The following FRYL variants were observed in gnomAD, a reference collection of about 807,000 sequenced individuals.
The protein encoded by FRYL is protein furry homolog-like.
A neutral mutation model predicts 351.2 loss-of-function variants in FRYL; 150 were observed. The ratio of observed to expected loss-of-function variants is 0.43; its 90% CI spans 0.37 to 0.49. The LOEUF (loss-of-function observed/expected upper bound fraction) is 0.49, where lower values mean the gene tolerates loss of function less well. FRYL is among the 20% of genes least tolerant of loss of function. The pLI is 0.00. For missense variants in FRYL, 3,036 were observed against 3,619.3 expected, an observed-to-expected ratio of 0.84 and a Z score of 4.13; for synonymous variants, 1,153 against 1,257.1, an observed-to-expected ratio of 0.92 and a Z score of 1.75.
intron 59 of FRYL, among the ~76,000 whole-genome samples, chr4:48,507,615 T>A (rs1166031624): frequency 6.6e-6 from 1 of 152,100 alleles, no homozygotes; most frequent in Non-Finnish European, 1.5e-5. Context: ...GTATTCATAT[T>A]CACGTCCCTG....
In FRYL at chr4:48,603,401, T is replaced by A; in HGVS notation, c.835-13A>T. The A allele has an allele frequency of 6.8e-7, 1 of 1,471,658 alleles. No homozygotes were observed. The highest frequency in any genetic ancestry group is 1.2e-5 in the South Asian group (1 of 85,760). The allele number at this position is 1,471,658 out of a possible 1,614,324, so 91.2% of individuals were successfully genotyped here. A position where few individuals can be genotyped will look rare whatever the true frequency, so the allele number is the denominator to read the frequency against. ...CATTTTTAACAGCCTAGTAAAAAGA[T>A]AATGCAAACAAAGAAAATGATACAG... is the stretch of plus-strand genomic sequence containing the variant. On this transcript the variant is annotated splice_polypyrimidine_tract_variant and intron_variant, in intron 11 of 63. Transcript: ENST00000358350.
At chr4:48,522,862 T>C in intron 54 of FRYL, 39 bp downstream of exon 54, 2 of 1,468,240 alleles carry the variant, frequency 1.4e-6, no homozygotes, top group Non-Finnish European at 1.9e-6. Flanking sequence ...AAGAGGAAAA[T>C]GAGACCAAAT....
chr4:48,558,616 C>T (rs769359518), intron 33 of FRYL, among the ~76,000 whole-genome samples: 14 of 152,106 alleles, frequency 9.2e-5, no homozygotes, highest in Non-Finnish European at 1.9e-4. Context: ...TGAACAAAAA[C>T]GTAATCAAAA....
chr4:48,661,737 A>C (rs1760770126), intron 3 of FRYL, among the ~76,000 whole-genome samples: 1 of 152,248 alleles, frequency 6.6e-6, no homozygotes, highest in Non-Finnish European at 1.5e-5. Context: ...AAGGAGTAGG[A>C]AAATGTGTCC....
intron 2 of FRYL, among the ~76,000 whole-genome samples, chr4:48,685,325 T>C (rs1233015901): frequency 1.3e-5 from 2 of 152,204 alleles, no homozygotes; most frequent in East Asian, 1.9e-4. Context: ...CAATTTTCTC[T>C]AAATTTAAAC....
chr4:48,718,730 T>C (rs1769147021), intron 1 of FRYL, among the ~76,000 whole-genome samples: 1 of 151,564 alleles, frequency 6.6e-6, no homozygotes, highest in Non-Finnish European at 1.5e-5. Flanking sequence ...TCCCTCCTTC[T>C]TGTGCTCATA....
intron 27 of FRYL, among the ~76,000 whole-genome samples, chr4:48,569,840 G>C (rs1737855489): frequency 1.3e-5 from 2 of 152,060 alleles, no homozygotes; most frequent in Admixed American, 6.6e-5. Flanking sequence ...TCAAGACAAA[G>C]TCTCGCTCTT....
intron 1 of FRYL, among the ~76,000 whole-genome samples, chr4:48,764,335 C>T (rs1384997301): frequency 6.8e-6 from 1 of 146,632 alleles, no homozygotes; most frequent in Non-Finnish European, 1.5e-5. Context: ...TCAAGACCAG[C>T]CCGGTGCAAC....
rs868822146 is a variant in FRYL at position 48,593,992 on chromosome 4, C to A, written c.1273G>T (p.Glu425Ter). 6.7e-7 allele frequency: 1 copy of A among 1,482,358 alleles called. No homozygotes were observed. The highest frequency in any genetic ancestry group is 2.6e-5 in the Admixed American group (1 of 39,128). The allele number at this position is 1,482,358 out of a possible 1,614,324, so 91.8% of individuals were successfully genotyped here. A position where few individuals can be genotyped will look rare whatever the true frequency, so the allele number is the denominator to read the frequency against. ...ACACTGAGAAGATCAAATATTATTT[C>A]TTTCATTGCAAAATCCAAGCGTTCC... is the stretch of plus-strand genomic sequence containing the variant. Reference protein sequence around the residue: ...AQERLDFAMKEIIFDLLSVGK... With the variant: ...AQERLDFAMK Residue 425 changes from glutamate to a stop codon, truncating the protein, a stop_gained, in exon 16 of 64, where the codon GAA becomes TAA. Transcript: ENST00000358350. LOFTEE classifies it high-confidence loss of function.
intron 34 of FRYL, 110 bp from the exon 35 acceptor site, chr4:48,557,228 G>A (rs996124408): frequency 2.5e-4 from 326 of 1,311,014 alleles, no homozygotes; most frequent in Non-Finnish European, 3.2e-4. Flanking sequence ...AGCTTTAATC[G>A]TTTCCACACT....
chr4:48,727,514 G>C (rs1770213000), intron 1 of FRYL: 1 of 152,146 alleles, frequency 6.6e-6, no homozygotes, highest in Non-Finnish European at 1.5e-5. Context: ...AATTGTTGGA[G>C]GATCAGTGTA....
At chr4:48,668,075 G>A (rs560281368) in intron 3 of FRYL, among the ~76,000 whole-genome samples, 1 of 152,258 alleles carries the variant, frequency 6.6e-6, no homozygotes, top group Admixed American at 6.5e-5. Context: ...TGGCCCAACA[G>A]CTGTTTTTTT....
At chr4:48,634,877 G>A (rs1347539271) in intron 3 of FRYL, among the ~76,000 whole-genome samples, 5 of 152,092 alleles carry the variant, frequency 3.3e-5, no homozygotes, top group Non-Finnish European at 7.4e-5. Flanking sequence ...AAATAAAACA[G>A]GTGTGAATAA....
chr4:48,519,316 T>A (rs1724367366), intron 55 of FRYL, among the ~76,000 whole-genome samples: 1 of 152,134 alleles, frequency 6.6e-6, no homozygotes, highest in Non-Finnish European at 1.5e-5. Context: ...AGACACATCA[T>A]GCTATTTCAC....
At position 48,589,799 on chromosome 4, in the gene FRYL, G is replaced by T. The variant is rs749552812; in HGVS notation, c.1586C>A (p.Pro529Gln). ...LRHLDKEVGR[P>Q]MCMTSVQMSN... ...CATCTGCACACTGGTCATACACATTGGTCTCCCAACTTCTTTGTCCAAATG... is the reference window on the plus strand; with the variant it reads ...CATCTGCACACTGGTCATACACATTTGTCTCCCAACTTCTTTGTCCAAATG... The change falls in exon 18 of 64, where the codon CCA becomes CAA. Residue 529 changes from proline (P) to glutamine (Q), a missense_variant. Around this residue, in one of 7 missense-constraint regions of FRYL, gnomAD observed 78 missense variants for 106.6 expected, o/e 0.73. Coordinates refer to ENST00000358350, the MANE Select transcript of FRYL (RefSeq NM_015030.2). 2 of 1,613,608 alleles carry T rather than the reference G, an allele frequency of 1.2e-6. No individual in the cohort carries two copies. The highest frequency in any genetic ancestry group is 1.7e-6 in the Non-Finnish European group (2 of 1,179,648).
At position 48,689,527 on chromosome 4, in the gene FRYL, C is replaced by T. The variant is rs1221961297; in HGVS notation, c.-203-4732G>A. 3.9e-5 allele frequency among the ~76,000 whole-genome samples: 6 copies of T among 152,282 alleles called. No individual in the cohort carries two copies. The South Asian group carries it at 1.2e-3, about 32-fold the overall frequency. On this transcript the variant is annotated intron_variant, in intron 2 of 63. Transcript: ENST00000358350. ...ATCAATCTGGGATTTACTACATACA[C>T]TCCTAACTTCTAAAAATCTATTACT... is the stretch of plus-strand genomic sequence containing the variant.
intron 1 of FRYL, among the ~76,000 whole-genome samples, chr4:48,731,839 A>C (rs1770763019): frequency 6.6e-6 from 1 of 152,208 alleles, no homozygotes; most frequent in Non-Finnish European, 1.5e-5. Context: ...TCCTAGAAGA[A>C]AACCTGGGCA....
At chr4:48,503,026 G>C (rs887367602) in intron 60 of FRYL, among the ~76,000 whole-genome samples, 181 bp from the exon 61 acceptor site, 6 of 152,088 alleles carry the variant, frequency 3.9e-5, no homozygotes, top group African/African-American at 1.2e-4. Flanking sequence ...GACATTTACT[G>C]CAACGATTCA....
At chr4:48,571,712 G>C (rs1281135099) in intron 26 of FRYL, 2 of 977,956 alleles carry the variant, frequency 2.0e-6, no homozygotes, top group African/African-American at 1.8e-5. Flanking sequence ...TCTTTCTAAA[G>C]TTGACAGCAA....
Sources: allele counts gnomAD v4.1 joint callset (sites outside exome capture counted in the v4.1 genomes callset), GRCh38; gene constraint gnomAD v4.1.1; regional missense constraint gnomAD v4.1.1; transcripts MANE v1.5; gene names NCBI Gene and HGNC (gene_info 2026-07-23, HGNC 2026-07-21).